SLCO4C1: variants seen among roughly 807,000 people sequenced by gnomAD.
The protein encoded by SLCO4C1 is solute carrier organic anion transporter family member 4C1, also known as organic anion transporter M1.
SLCO4C1 carries 58 observed loss-of-function variants against 72.1 expected under a neutral mutation model. The ratio of observed to expected loss-of-function variants is 0.80; its 90% CI spans 0.65 to 1.00. The LOEUF is 1.00. Ranked by LOEUF, SLCO4C1 falls within the 50% of genes least tolerant of loss-of-function variation. SLCO4C1 has a pLI of 0.00. For missense variants in SLCO4C1, 898 were observed against 857.9 expected (o/e 1.05, Z -0.58); for synonymous variants, 297 against 312.5 (o/e 0.95, Z 0.52).
chr5:102,285,816 A>G (rs1749441528), intron 2 of SLCO4C1, among the ~76,000 whole-genome samples: 1 of 152,196 alleles, frequency 6.6e-6, no homozygotes, highest in Non-Finnish European at 1.5e-5. Flanking sequence ...GTTACAAAGA[A>G]GTAAAATTTA....
intron 5 of SLCO4C1, among the ~76,000 whole-genome samples, chr5:102,261,565 A>G (rs1396110527): frequency 6.6e-6 from 1 of 152,136 alleles, no homozygotes; most frequent in African/African-American, 2.4e-5. Flanking sequence ...TTTAAGACAG[A>G]TTGAAATTAA....
intron 5 of SLCO4C1, among the ~76,000 whole-genome samples, chr5:102,261,629 A>T (rs990207009): frequency 6.6e-6 from 1 of 152,164 alleles, no homozygotes; most frequent in Non-Finnish European, 1.5e-5. Context: ...TTGCATACAC[A>T]TAAAGCAGAA....
intron 2 of SLCO4C1, among the ~76,000 whole-genome samples, chr5:102,272,348 C>T (rs550604730): frequency 6.6e-6 from 1 of 152,140 alleles, no homozygotes; most frequent in South Asian, 2.1e-4. Flanking sequence ...TATGTCAACC[C>T]AGCTATAACC....
chr5:102,265,064 TGGGAAGC>T (rs1179148264), intron 3 of SLCO4C1, among the ~76,000 whole-genome samples: 2 of 152,176 alleles, frequency 1.3e-5, no homozygotes, highest in African/African-American at 4.8e-5. Flanking sequence ...TTAGCTATTG[TGGGAAGC>T]GCTACAATAA....
At chr5:102,279,651 A>T (rs1749316794) in intron 2 of SLCO4C1, among the ~76,000 whole-genome samples, 1 of 152,084 alleles carries the variant, frequency 6.6e-6, no homozygotes, top group South Asian at 2.1e-4. Flanking sequence ...TCCCTTATGA[A>T]TATAGACACA....
chr5:102,267,932 T>A (rs3096195), intron 3 of SLCO4C1, among the ~76,000 whole-genome samples: 114,361 of 151,840 alleles, frequency 0.75, 43,126 homozygotes, highest in Middle Eastern at 0.84. Flanking sequence ...TTCTAGTTTT[T>A]TTTCACTGTA....
At chr5:102,292,776 A>G (rs1022058036) in intron 1 of SLCO4C1, among the ~76,000 whole-genome samples, 15 of 152,150 alleles carry the variant, frequency 9.9e-5, no homozygotes, top group African/African-American at 3.6e-4. Flanking sequence ...TTTTAAACAT[A>G]ACTATAAATT....
chr5:102,273,246 T>C (rs1749186876), intron 2 of SLCO4C1, among the ~76,000 whole-genome samples: 1 of 151,976 alleles, frequency 6.6e-6, no homozygotes, highest in African/African-American at 2.4e-5. Flanking sequence ...CAATCAAACA[T>C]AGGTATAATC....
chr5:102,242,778 G>C (rs910082735), intron 10 of SLCO4C1, among the ~76,000 whole-genome samples: 3 of 152,152 alleles, frequency 2.0e-5, no homozygotes, highest in Admixed American at 2.0e-4. Context: ...CACATTACCA[G>C]CTTGGTGGCT....
intron 3 of SLCO4C1, among the ~76,000 whole-genome samples, chr5:102,270,238 T>C (rs2600833): frequency 0.58 from 88,361 of 151,896 alleles, 26,345 homozygotes; most frequent in East Asian, 0.69. Context: ...TTGTGGACTG[T>C]AAGTCAATAT....
chr5:102,257,912 T>C (rs1400217771), intron 7 of SLCO4C1, 31 bp downstream of exon 7: 25 of 1,574,362 alleles, frequency 1.6e-5, no homozygotes, highest in Non-Finnish European at 2.1e-5. Flanking sequence ...TAAAGTAAAA[T>C]TTTTAGGTTA....
At position 102,296,110 on chromosome 5, in the gene SLCO4C1, C is replaced by T; in HGVS notation, c.153G>A (p.Lys51=). ...RENSQPQELQ[K]PQEPQKSPEP... is the part of the protein sequence containing the mutation. Reference sequence around the variant, plus strand: ...CTGGTGACTTCTGGGGCTCCTGGGGCTTCTGAAGCTCCTGTGGCTGAGAAT... The same window carrying T: ...CTGGTGACTTCTGGGGCTCCTGGGGTTTCTGAAGCTCCTGTGGCTGAGAAT... The change falls in exon 1 of 13, where the codon AAG becomes AAA. Residue 51 remains lysine (K), a synonymous_variant. Transcript: ENST00000310954. 1 of 1,614,160 alleles carries T rather than the reference C, an allele frequency of 6.2e-7. No homozygotes were observed. The highest frequency in any genetic ancestry group is 1.1e-5 in the South Asian group (1 of 91,084).
At chr5:102,276,614 T>G (rs1027680501) in intron 2 of SLCO4C1, among the ~76,000 whole-genome samples, 1 of 152,176 alleles carries the variant, frequency 6.6e-6, no homozygotes, top group Admixed American at 6.5e-5. Flanking sequence ...TACTGAAGTT[T>G]TCTTTTAACA....
At chr5:102,245,137 G>C (rs756661155) in intron 10 of SLCO4C1, among the ~76,000 whole-genome samples, 27 of 152,074 alleles carry the variant, frequency 1.8e-4, no homozygotes, top group Non-Finnish European at 3.2e-4. Context: ...AGAATAAAAA[G>C]CCAGGGGACA....
intron 2 of SLCO4C1, among the ~76,000 whole-genome samples, chr5:102,275,173 A>C (rs1262629059): frequency 2.0e-5 from 3 of 152,130 alleles, no homozygotes; most frequent in Non-Finnish European, 2.9e-5. Context: ...GAGGAGATCA[A>C]ATCCTGACAG....
At chr5:102,295,829 C>T in intron 1 of SLCO4C1, 79 bp downstream of exon 1, 1 of 1,418,184 alleles carries the variant, frequency 7.1e-7, no homozygotes, top group East Asian at 2.4e-5. Context: ...CCCCGCGCAC[C>T]TGCCCTCTCC....
At chr5:102,280,662 G>A (rs1035730913) in intron 2 of SLCO4C1, among the ~76,000 whole-genome samples, 6 of 152,046 alleles carry the variant, frequency 3.9e-5, no homozygotes, top group Non-Finnish European at 5.9e-5. Context: ...TTACAATCAC[G>A]GCTGAAGGGG....
intron 11 of SLCO4C1, among the ~76,000 whole-genome samples, chr5:102,239,976 T>G (rs569990931): frequency 2.0e-5 from 3 of 152,214 alleles, no homozygotes; most frequent in African/African-American, 7.2e-5. Flanking sequence ...TTTGAGGTTG[T>G]AATTTTTAGA....
chr5:102,278,052 C>T (rs577677610), intron 2 of SLCO4C1, among the ~76,000 whole-genome samples: 69 of 151,808 alleles, frequency 4.5e-4, no homozygotes, highest in Non-Finnish European at 8.2e-4. Flanking sequence ...CTGAATATTA[C>T]AATTAAAGGA....
Sources: allele counts gnomAD v4.1 joint callset (sites outside exome capture counted in the v4.1 genomes callset), GRCh38; gene constraint gnomAD v4.1.1; transcripts MANE v1.5; gene names NCBI Gene and HGNC (gene_info 2026-07-23, HGNC 2026-07-21).